Variants in ABAT observed in about 807,000 individuals in gnomAD.
The protein encoded by ABAT is 4-aminobutyrate aminotransferase, mitochondrial.
ABAT carries 45 observed loss-of-function variants against 64.6 expected under a neutral mutation model. The ratio of observed to expected loss-of-function variants is 0.70; its 90% CI spans 0.55 to 0.89. The LOEUF (loss-of-function observed/expected upper bound fraction) is 0.89, where lower values mean the gene tolerates loss of function less well. Among genes scored for constraint, ABAT ranks in the 40% least tolerant of loss-of-function variants. The probability of loss-of-function intolerance (pLI) is 0.00; values close to 1 mark genes in which losing one functional copy is unlikely to be tolerated. For synonymous variants in ABAT, 297 were observed against 250.5 expected (o/e 1.19, Z -1.75); for missense variants, 633 against 658.4 (o/e 0.96, Z 0.42).
At position 8,746,047 on chromosome 16, in the gene ABAT, T is replaced by C; in HGVS notation, c.117T>C (p.Phe39=). The change falls in exon 3 of 16, where the codon TTT becomes TTC. Residue 39 remains phenylalanine, a synonymous_variant. Coordinates refer to ENST00000268251, the MANE Select transcript of ABAT (RefSeq NM_020686.6). ...SQAAAKVDVE[F]DYDGPLMKTE... ...CTGCAGCCAAAGTCGACGTTGAATT[T>C]GATTATGATGGGCCTCTGATGAAGA... The C allele has an allele frequency of 6.2e-7, 1 of 1,614,028 alleles. No individual in the cohort carries two copies.
intron 1 of ABAT, among the ~76,000 whole-genome samples, chr16:8,701,807 C>G (rs1263842272): frequency 6.6e-6 from 1 of 152,118 alleles, no homozygotes; most frequent in African/African-American, 2.4e-5. Flanking sequence ...AGGGCGGGAG[C>G]CCCTGGCTCT....
At position 8,740,928 on chromosome 16, in the gene ABAT, T is replaced by C. The variant is rs180764587; in HGVS notation, c.71-5073T>C. 8.8e-4 allele frequency among the ~76,000 whole-genome samples: 134 copies of C among 152,372 alleles called. 2 individuals carry two copies. Among genetic ancestry groups the C allele is most frequent in the African/African-American group, 3.1e-3 (127 of 41,580 alleles). ...AGAAAAGCAGAGCAAACAACTCCAG[T>C]TGGACTTGACCTTCGTTCTGGCCAG... On this transcript the variant is annotated intron_variant, in intron 2 of 15. Transcript: ENST00000268251.
At chr16:8,700,271 G>C (rs186152395) in intron 1 of ABAT, among the ~76,000 whole-genome samples, 2 of 152,284 alleles carry the variant, frequency 1.3e-5, no homozygotes, top group East Asian at 3.9e-4. Context: ...ATTAATTTTG[G>C]GGAAAGGGGG....
At chr16:8,770,571 T>G (rs1268703849) in intron 11 of ABAT, among the ~76,000 whole-genome samples, 2 of 152,060 alleles carry the variant, frequency 1.3e-5, no homozygotes, top group Non-Finnish European at 1.5e-5. Context: ...TCTTGAGTAG[T>G]TGGAACTAAG....
chr16:8,723,209 G>C (rs551364072), intron 1 of ABAT, among the ~76,000 whole-genome samples: 5 of 152,246 alleles, frequency 3.3e-5, no homozygotes, highest in African/African-American at 1.2e-4. Context: ...CTCCAGCCTG[G>C]GTGACAGAGT....
At chr16:8,687,504 G>A (rs569163757) in intron 1 of ABAT, among the ~76,000 whole-genome samples, 7 of 152,326 alleles carry the variant, frequency 4.6e-5, no homozygotes, top group East Asian at 1.9e-4. Context: ...CCAGCCTGGC[G>A]ACAGAGTGAG....
chr16:8,744,357 G>C (rs1596449418), intron 2 of ABAT, among the ~76,000 whole-genome samples: 1 of 151,856 alleles, frequency 6.6e-6, no homozygotes, highest in Admixed American at 6.6e-5. Context: ...AGAGCAAGCA[G>C]GGAGGAGCCA....
chr16:8,714,559 G>A (rs1222147689), intron 1 of ABAT: 1 of 152,286 alleles, frequency 6.6e-6, no homozygotes, highest in Non-Finnish European at 1.5e-5. Context: ...CCAGAAGAAA[G>A]CAATTTTAGA....
At chr16:8,681,834 G>T (rs1050245655) in intron 1 of ABAT, among the ~76,000 whole-genome samples, 6 of 151,916 alleles carry the variant, frequency 3.9e-5, no homozygotes, top group Non-Finnish European at 7.4e-5. Context: ...TGGAGACAGG[G>T]TTTCACCATG....
Position 8,776,568 on chromosome 16 carries a change from C to G in ABAT, c.1269+78C>G. The G allele has an allele frequency of 7.0e-7, 1 of 1,428,768 alleles. No homozygotes were observed. Among genetic ancestry groups the G allele is most frequent in the Non-Finnish European group, 9.6e-7 (1 of 1,044,036 alleles). 88.5% of individuals were successfully genotyped at this position (1,428,768 alleles called of 1,614,324 possible). ...CCTCCGGGGCAACACTGGAGCTCTT[C>G]GGCATGGTGTTGTGCCTGCTGTTCC... On this transcript the variant is annotated intron_variant, in intron 14 of 15. Coordinates refer to ENST00000268251, the MANE Select transcript of ABAT (RefSeq NM_020686.6). The surrounding 1 kb of genome is among the most constrained non-coding windows in gnomAD (Gnocchi z 4.4).
intron 9 of ABAT, among the ~76,000 whole-genome samples, chr16:8,767,209 G>A (rs1445958132): frequency 6.6e-6 from 1 of 152,224 alleles, no homozygotes; most frequent in Non-Finnish European, 1.5e-5. Context: ...AACAATGCAA[G>A]GAGTTGCAGC....
At position 8,775,003 on chromosome 16, in the gene ABAT, C is replaced by G; in HGVS notation, c.1068C>G (p.Ser356Arg). 1 of 1,614,224 alleles carries G rather than the reference C, an allele frequency of 6.2e-7. No homozygotes were observed. The highest frequency in any genetic ancestry group is 1.1e-5 in the South Asian group (1 of 91,086). ...LDDPADVMTFSKKMMTGGFFH... is the reference protein window; with the variant it reads ...LDDPADVMTFRKKMMTGGFFH... ...ACCCAGCAGACGTGATGACCTTCAG[C>G]AAGAAGATGATGACTGGGGGCTTCT... is the stretch of plus-strand genomic sequence containing the variant. The change falls in exon 13 of 16, where the codon AGC (serine) becomes AGG (arginine). Residue 356 changes from serine to arginine, a missense_variant. Transcript: ENST00000268251.
intron 14 of ABAT, among the ~76,000 whole-genome samples, chr16:8,778,721 G>A (rs1357421278): frequency 6.6e-6 from 1 of 151,294 alleles, no homozygotes; most frequent in East Asian, 1.9e-4. Flanking sequence ...AGGATGCAGT[G>A]AGCCGAGATA....
At chr16:8,738,622 G>GTTT (rs1204824310) in intron 2 of ABAT, among the ~76,000 whole-genome samples, 2 of 111,374 alleles carry the variant, frequency 1.8e-5, no homozygotes, top group Non-Finnish European at 3.5e-5. Flanking sequence ...TTTTGTTTTT[G>GTTT]TTTTTGTTTT....
chr16:8,685,394 G>A (rs1042781457), intron 1 of ABAT, among the ~76,000 whole-genome samples: 2 of 151,820 alleles, frequency 1.3e-5, no homozygotes, highest in African/African-American at 2.4e-5. Flanking sequence ...TGTTACGCCG[G>A]GTGTGGTGGC....
chr16:8,695,264 G>A (rs1419622136), intron 1 of ABAT, among the ~76,000 whole-genome samples: 2 of 152,246 alleles, frequency 1.3e-5, no homozygotes, highest in Non-Finnish European at 2.9e-5. Context: ...CATTGTGGGA[G>A]AGAGAGGAGA....
intron 5 of ABAT, among the ~76,000 whole-genome samples, chr16:8,757,544 G>A (rs1349122744): frequency 6.6e-6 from 1 of 152,198 alleles, no homozygotes; most frequent in South Asian, 2.1e-4. Context: ...TAGAGAATTT[G>A]TTGGATTTCT....
intron 5 of ABAT, among the ~76,000 whole-genome samples, chr16:8,750,837 A>G (rs971430186): frequency 1.3e-5 from 2 of 152,038 alleles, no homozygotes; most frequent in Non-Finnish European, 2.9e-5. Context: ...TAGGAATCAT[A>G]GCTAGAATGC....
At chr16:8,734,061 C>T (rs111735345) in intron 1 of ABAT, among the ~76,000 whole-genome samples, 4,166 of 152,242 alleles carry the variant, frequency 0.027, 198 homozygotes, top group African/African-American at 0.096. Flanking sequence ...GTTGCTTCCA[C>T]CTCTTGGCTA....
Sources: gnomAD v4.1 joint callset for allele counts (sites outside exome capture counted in the v4.1 genomes callset) on GRCh38, gnomAD v4.1.1 for gene constraint, Gnocchi (gnomAD v3.1) non-coding constraint, MANE v1.5 for transcripts, NCBI Gene and HGNC (gene_info 2026-07-23, HGNC 2026-07-21) for gene names.